Variants in HEATR5A observed in about 807,000 individuals in gnomAD.
The protein encoded by HEATR5A is HEAT repeat-containing protein 5A.
HEATR5A carries 178 observed loss-of-function variants against 218.8 expected under a neutral mutation model. The observed-to-expected ratio is 0.81, with a 90% confidence interval of 0.72 to 0.92. HEATR5A has a LOEUF of 0.92. Among genes scored for constraint, HEATR5A ranks in the 40% least tolerant of loss-of-function variants. The pLI, the probability that HEATR5A is intolerant of heterozygous loss-of-function variation, is 0.00. For synonymous variants in HEATR5A, 864 were observed against 871.6 expected (o/e 0.99, Z 0.15); for missense variants, 2,420 against 2,418.9 (o/e 1.00, Z -0.01).
At chr14:31,385,609 T>C (rs1458754611) in intron 9 of HEATR5A, among the ~76,000 whole-genome samples, 3 of 152,160 alleles carry the variant, frequency 2.0e-5, no homozygotes, top group Non-Finnish European at 4.4e-5. Flanking sequence ...AATGGACTTC[T>C]TCCTGGGGTA....
chr14:31,345,897 C>T (rs1490508795), intron 19 of HEATR5A, among the ~76,000 whole-genome samples: 1 of 137,808 alleles, frequency 7.3e-6, no homozygotes, highest in Non-Finnish European at 1.7e-5. Flanking sequence ...GGCAGGTGCG[C>T]ACACACATGC....
chr14:31,341,473 T>C (rs913944511), intron 21 of HEATR5A, among the ~76,000 whole-genome samples: 1 of 152,066 alleles, frequency 6.6e-6, no homozygotes, highest in Admixed American at 6.6e-5. Flanking sequence ...GGCTCACTGT[T>C]GCCTCAACAT....
At chr14:31,388,707 C>T in intron 7 of HEATR5A, 138 bp downstream of exon 7, 1 of 580,350 alleles carries the variant, frequency 1.7e-6, no homozygotes, top group Non-Finnish European at 2.9e-6. Flanking sequence ...ATGTTTTGGC[C>T]TTACCATTTA....
intron 17 of HEATR5A, 38 bp from the exon 18 acceptor site, chr14:31,350,017 A>G (rs745594510): frequency 7.3e-7 from 1 of 1,375,954 alleles, no homozygotes; most frequent in South Asian, 1.5e-5. Context: ...TTACAATTGT[A>G]GTAAATTCTC....
intron 9 of HEATR5A, among the ~76,000 whole-genome samples, chr14:31,384,621 G>A (rs532184840): frequency 1.0e-3 from 159 of 151,670 alleles, no homozygotes; most frequent in Non-Finnish European, 1.6e-3. Context: ...TCGCCTTCCG[G>A]GTTTAAGTGA....
intron 1 of HEATR5A, among the ~76,000 whole-genome samples, chr14:31,413,876 C>T (rs1247650333): frequency 6.6e-6 from 1 of 152,166 alleles, no homozygotes; most frequent in African/African-American, 2.4e-5. Context: ...ACTGCTATTA[C>T]TAATACAGTT....
At chr14:31,308,903 G>T (rs1305692989) in intron 29 of HEATR5A, 31 bp downstream of exon 29, 1 of 1,582,996 alleles carries the variant, frequency 6.3e-7, no homozygotes, top group Non-Finnish European at 8.6e-7. Context: ...AACCCCTAAG[G>T]TTGTAAACTT....
Position 31,350,625 on chromosome 14 carries a change from G to C in HEATR5A, c.2504C>G (p.Ser835Cys). Residue 835 changes from serine (S) to cysteine (C), a missense_variant, in exon 17 of 36, where the codon TCT becomes TGT. Physicochemically the swap from Ser to Cys is moderately radical, Grantham distance 112. Coordinates refer to ENST00000543095, the MANE Select transcript of HEATR5A (RefSeq NM_015473.4). ...AATAATAATTACCTTCAAGAAACTA[G>C]AAACTGAAGAAACAACATGTAACTG... ...VVQLHVVSSV[S>C]SFLKYVAGSK... is the part of the protein sequence containing the mutation. 1.3e-6 allele frequency: 2 copies of C among 1,573,292 alleles called. No individual in the cohort carries two copies. The highest frequency in any genetic ancestry group is 1.7e-6 in the Non-Finnish European group (2 of 1,152,234).
At position 31,321,546 on chromosome 14, in the gene HEATR5A, C is replaced by G; in HGVS notation, c.3922G>C (p.Glu1308Gln). 1 of 1,605,092 alleles carries G rather than the reference C, an allele frequency of 6.2e-7. No individual in the cohort carries two copies. The highest frequency in any genetic ancestry group is 8.5e-7 in the Non-Finnish European group (1 of 1,175,690). Residue 1308 changes from glutamate to glutamine, a missense_variant, in exon 25 of 36, where the codon GAA (glutamate) becomes CAA (glutamine). Transcript: ENST00000543095. The stretch of plus-strand genomic sequence containing the variant: ...ATCACATGACCTGGAAACTCTGGTT[C>G]TGGAACAGTTGCAAATCGCCGAATA... ...VVIRRFATVP[E>Q]PEFPGHVILE...
At chr14:31,418,027 G>A (rs1595196324) in intron 1 of HEATR5A, among the ~76,000 whole-genome samples, 1 of 151,844 alleles carries the variant, frequency 6.6e-6, no homozygotes, top group African/African-American at 2.4e-5. Flanking sequence ...GGCCAACATG[G>A]TGAAATCCCG....
intron 23 of HEATR5A, among the ~76,000 whole-genome samples, chr14:31,325,310 T>C (rs192784158): frequency 3.3e-4 from 51 of 152,284 alleles, no homozygotes; most frequent in Admixed American, 2.6e-3. Flanking sequence ...TGAACAATTA[T>C]CTTGTATTAC....
chr14:31,415,282 G>A (rs1342200229), intron 1 of HEATR5A, among the ~76,000 whole-genome samples: 1 of 152,176 alleles, frequency 6.6e-6, no homozygotes, highest in African/African-American at 2.4e-5. Flanking sequence ...TGTCCAGCTA[G>A]GCTCTTTGCA....
At chr14:31,326,565 G>A (rs1233174522) in intron 22 of HEATR5A, among the ~76,000 whole-genome samples, 1 of 152,146 alleles carries the variant, frequency 6.6e-6, no homozygotes, top group Middle Eastern at 3.2e-3. Context: ...CTGAAAAAAA[G>A]TATTCATATG....
intron 8 of HEATR5A, 36 bp downstream of exon 8, chr14:31,387,084 C>T (rs1247356411): frequency 1.2e-6 from 2 of 1,604,150 alleles, no homozygotes; most frequent in Admixed American, 3.4e-5. Flanking sequence ...ATTCCATTAG[C>T]ACTGTTAAAC....
chr14:31,320,486 G>A, intron 25 of HEATR5A: 1 of 1,356,484 alleles, frequency 7.4e-7, no homozygotes. Flanking sequence ...CTCCCGTCTG[G>A]CCACCTGGAG....
intron 2 of HEATR5A, among the ~76,000 whole-genome samples, chr14:31,400,926 G>A (rs771545159): frequency 4.0e-5 from 6 of 151,110 alleles, no homozygotes; most frequent in Non-Finnish European, 7.4e-5. Flanking sequence ...TGCAAGCTCC[G>A]CCTCCTGGGT....
At chr14:31,391,154 T>G (rs1414587945) in intron 6 of HEATR5A, among the ~76,000 whole-genome samples, 2 of 152,206 alleles carry the variant, frequency 1.3e-5, no homozygotes, top group Non-Finnish European at 2.9e-5. Context: ...ATCTACGTTT[T>G]AAGCTAAATG....
intron 34 of HEATR5A, 24 bp downstream of exon 34, chr14:31,295,885 A>G: frequency 6.2e-7 from 1 of 1,606,628 alleles, no homozygotes; most frequent in Non-Finnish European, 8.5e-7. Context: ...TATTACATAC[A>G]TCTTTCTGCT....
In HEATR5A at chr14:31,374,885, T is replaced by G. The variant is rs772076031; in HGVS notation, c.1792A>C (p.Thr598Pro). The G allele has an allele frequency of 3.1e-6, 5 of 1,613,574 alleles. No individual in the cohort carries two copies. The South Asian group carries it at 5.5e-5, about 18-fold the overall frequency. ...VFPASPKDLE[T>P]EKSRGDSFTW... ...AACGAATCTCCTCGGCTCTTTTCTG[T>G]TTCTAGATCTTTAGGAGATGCTGGA... is the stretch of plus-strand genomic sequence containing the variant. Residue 598 changes from threonine to proline, a missense_variant, in exon 12 of 36, where the codon ACA becomes CCA. Physicochemically the swap from Thr to Pro is conservative, Grantham distance 38. Transcript: ENST00000543095.
Sources: allele counts gnomAD v4.1 joint callset (sites outside exome capture counted in the v4.1 genomes callset), GRCh38; gene constraint gnomAD v4.1.1; transcripts MANE v1.5; gene names NCBI Gene and HGNC (gene_info 2026-07-23, HGNC 2026-07-21).